Variants in SEM1 observed in about 807,000 individuals in gnomAD.
The protein encoded by SEM1 is SEM1 26S proteasome subunit.
A neutral mutation model predicts 12.7 loss-of-function variants in SEM1; 3 were observed. The observed-to-expected ratio is 0.24, with a 90% CI of 0.11 to 0.61. SEM1 has a LOEUF of 0.61. Among genes scored for constraint, SEM1 ranks in the 20% least tolerant of loss-of-function variants. The pLI, the probability that SEM1 is intolerant of heterozygous loss-of-function variation, is 0.88. For missense variants in SEM1, 59 were observed against 81.3 expected (o/e 0.73, Z 1.06); for synonymous variants, 30 against 27.8 (o/e 1.08, Z -0.25).
At chr7:96,505,350 C>T (rs1447152753) in intron 3 of SEM1, among the ~76,000 whole-genome samples, 1 of 152,002 alleles carries the variant, frequency 6.6e-6, no homozygotes, top group Non-Finnish European at 1.5e-5. Flanking sequence ...GTGATCCACC[C>T]ACCTCAGCCT....
At chr7:96,657,918 A>C (rs1213757092) in intron 2 of SEM1, among the ~76,000 whole-genome samples, 1 of 152,198 alleles carries the variant, frequency 6.6e-6, no homozygotes, top group East Asian at 1.9e-4. Flanking sequence ...ACCTTTGTGC[A>C]GAGGGCAGGT....
At chr7:96,508,728 A>G (rs1472700413) in intron 2 of SEM1, among the ~76,000 whole-genome samples, 1 of 152,166 alleles carries the variant, frequency 6.6e-6, no homozygotes, top group African/African-American at 2.4e-5. Flanking sequence ...TAAGGTGGAT[A>G]AATACAATAT....
chr7:96,497,055 C>T (rs1255585787), upstream of SEM1, among the ~76,000 whole-genome samples: 1 of 151,710 alleles, frequency 6.6e-6, no homozygotes, highest in African/African-American at 2.4e-5. Context: ...ACACTTTCTG[C>T]AAATTCATCT....
At chr7:96,602,925 G>A (rs1807237348) in intron 2 of SEM1, among the ~76,000 whole-genome samples, 1 of 152,072 alleles carries the variant, frequency 6.6e-6, no homozygotes, top group Admixed American at 6.6e-5. Context: ...TAAATCAAGG[G>A]GAAAAGGATG....
At chr7:96,678,825 TTCAGAGTCAGTTGAC>T (rs1789520697) in intron 2 of SEM1, among the ~76,000 whole-genome samples, 1 of 152,156 alleles carries the variant, frequency 6.6e-6, no homozygotes, top group African/African-American at 2.4e-5. Flanking sequence ...TATGCTCTCT[TTCAGAGTCAGTTGAC>T]TTAAAGACAA....
At chr7:96,552,259 T>C (rs551491223) in intron 2 of SEM1, among the ~76,000 whole-genome samples, 4 of 152,200 alleles carry the variant, frequency 2.6e-5, no homozygotes, top group African/African-American at 9.6e-5. Context: ...GTTACATATG[T>C]ATACATGTGC....
intron 1 of SEM1, among the ~76,000 whole-genome samples, chr7:96,699,153 G>T (rs1012786854): frequency 6.6e-6 from 1 of 152,038 alleles, no homozygotes; most frequent in Non-Finnish European, 1.5e-5. Flanking sequence ...AGACACGCAT[G>T]GGCAAAATCA....
chr7:96,603,665 A>T (rs1484594405), intron 2 of SEM1, among the ~76,000 whole-genome samples: 1 of 152,044 alleles, frequency 6.6e-6, no homozygotes, highest in Non-Finnish European at 1.5e-5. Flanking sequence ...TTGGGAACTG[A>T]TATCTTGAGC....
At chr7:96,654,771 G>C (rs1172601124) in intron 2 of SEM1, among the ~76,000 whole-genome samples, 1 of 152,184 alleles carries the variant, frequency 6.6e-6, no homozygotes, top group Non-Finnish European at 1.5e-5. Flanking sequence ...TGTAAATTGA[G>C]ATCTGTAGTG....
chr7:96,575,680 C>A (rs1211596432), intron 2 of SEM1, among the ~76,000 whole-genome samples: 1 of 152,208 alleles, frequency 6.6e-6, no homozygotes, highest in African/African-American at 2.4e-5. Context: ...GAGGAGGAAT[C>A]CAGAGAAGCA....
At chr7:96,556,310 A>C (rs1805496156) in intron 2 of SEM1, among the ~76,000 whole-genome samples, 1 of 151,284 alleles carries the variant, frequency 6.6e-6, no homozygotes, top group Non-Finnish European at 1.5e-5. Context: ...TTTTGGCATG[A>C]TTTTGCAGCG....
chr7:96,618,863 A>T (rs1392726463), downstream of SEM1, among the ~76,000 whole-genome samples: 1 of 152,076 alleles, frequency 6.6e-6, no homozygotes, highest in East Asian at 1.9e-4. Context: ...AAGTGGGAGG[A>T]TCACTTGAGC....
At chr7:96,612,951 A>G (rs1807586601) in intron 2 of SEM1, among the ~76,000 whole-genome samples, 1 of 79,196 alleles carries the variant, frequency 1.3e-5, no homozygotes, top group African/African-American at 4.2e-5. Context: ...AGTTGTTTTT[A>G]ATTTAAAAAA....
At chr7:96,490,420 T>A (rs1332072509) in intron 1 of SEM1, among the ~76,000 whole-genome samples, 4 of 152,228 alleles carry the variant, frequency 2.6e-5, no homozygotes, top group Admixed American at 2.6e-4. Context: ...TGAGAGCTTT[T>A]AATGATAAGA....
At chr7:96,525,186 A>C (rs73390925) in intron 2 of SEM1, among the ~76,000 whole-genome samples, 3,911 of 151,748 alleles carry the variant, frequency 0.026, 81 homozygotes, top group East Asian at 0.072. Context: ...CTGCGTGCCA[A>C]TCTCAGGCTC....
At chr7:96,584,856 G>A (rs1563072348) in intron 2 of SEM1, among the ~76,000 whole-genome samples, 1 of 151,088 alleles carries the variant, frequency 6.6e-6, no homozygotes, top group Non-Finnish European at 1.5e-5. Flanking sequence ...GATTATTCTA[G>A]TTATACATTC....
intron 2 of SEM1, among the ~76,000 whole-genome samples, chr7:96,641,371 G>A (rs958195176): frequency 6.6e-6 from 1 of 151,598 alleles, no homozygotes; most frequent in African/African-American, 2.4e-5. Context: ...ATTTGTGTAT[G>A]CTTTTCTTAG....
At chr7:96,526,909 T>C (rs1308897775) in intron 2 of SEM1, among the ~76,000 whole-genome samples, 1 of 151,816 alleles carries the variant, frequency 6.6e-6, no homozygotes, top group African/African-American at 2.4e-5. Context: ...ACTCTAAAAA[T>C]GTAAGCTTTA....
intron 2 of SEM1, among the ~76,000 whole-genome samples, chr7:96,692,078 C>T (rs1428320648): frequency 6.6e-6 from 1 of 152,078 alleles, no homozygotes; most frequent in African/African-American, 2.4e-5. Flanking sequence ...AAGGCAGAAA[C>T]ACAAGAGTAC....
Sources: gnomAD v4.1 joint callset for allele counts (sites outside exome capture counted in the v4.1 genomes callset) on GRCh38, gnomAD v4.1.1 for gene constraint, MANE v1.5 for transcripts, NCBI Gene and HGNC (gene_info 2026-07-23, HGNC 2026-07-21) for gene names.